Variants in FHIT observed in about 807,000 individuals in gnomAD.
FHIT encodes fragile histidine triad diadenosine triphosphatase, also known as bis(5'-adenosyl)-triphosphatase.
Under a neutral mutation model 17.9 loss-of-function variants are expected in FHIT, and 19 were observed. That is an observed-to-expected ratio of 1.06 (90% CI 0.74 to 1.56). The LOEUF is 1.56. Ranked by LOEUF, FHIT falls within the 40% of genes most tolerant of loss-of-function variation. The pLI, the probability that FHIT is intolerant of heterozygous loss-of-function variation, is 0.00. For synonymous variants in FHIT, 81 were observed against 69.7 expected (o/e 1.16, Z -0.81); for missense variants, 248 against 189.2 (o/e 1.31, Z -1.82).
intron 2 of FHIT, among the ~76,000 whole-genome samples, chr3:61,069,296 T>C (rs1425487207): frequency 6.6e-6 from 1 of 152,170 alleles, no homozygotes; most frequent in African/African-American, 2.4e-5. Flanking sequence ...CTTCACTTTC[T>C]AGGTTGGTGC....
chr3:60,124,261 C>G (rs753980000), intron 5 of FHIT, among the ~76,000 whole-genome samples: 1 of 151,542 alleles, frequency 6.6e-6, no homozygotes, highest in Non-Finnish European at 1.5e-5. Context: ...CCTAGAGACA[C>G]CAGACCAGTT....
Position 59,930,194 on chromosome 3 carries a change from C to T in FHIT, c.280-7780G>A, listed in dbSNP as rs538119715. ...CTGGGGAGACATCAATACTCCAGCA[C>T]TTCTGCCTTCTCCCACCTGGAGAGT... On this transcript the variant is annotated intron_variant, in intron 7 of 9. Coordinates refer to ENST00000492590, the MANE Select transcript of FHIT (RefSeq NM_002012.4). Among the ~76,000 whole-genome samples, 59 of 152,296 alleles carry T rather than the reference C, an allele frequency of 3.9e-4. No homozygotes were observed. In the South Asian group the frequency reaches 7.9e-3, roughly 20 times the overall value.
chr3:60,568,713 T>G (rs978369807), intron 4 of FHIT, among the ~76,000 whole-genome samples: 1 of 152,168 alleles, frequency 6.6e-6, no homozygotes, highest in Non-Finnish European at 1.5e-5. Context: ...CCACTGGAAC[T>G]CAACCTTTAG....
At position 59,986,498 on chromosome 3, in the gene FHIT, AATATAT is replaced by A. The variant is rs74199531; in HGVS notation, c.279+24867_279+24872del. Among the ~76,000 whole-genome samples the A allele has an allele frequency of 2.9e-4, 18 of 62,326 alleles. 1 individual carries two copies. Among genetic ancestry groups the A allele is most frequent in the South Asian group, 2.6e-3 (4 of 1,552 alleles). 40.9% of individuals were successfully genotyped at this position (62,326 alleles called of 152,430 possible). On this transcript the variant is annotated intron_variant, in intron 7 of 9. Transcript: ENST00000492590. ...CTCTGGGTATGAGAAAGTAGTCCAA[AATATAT>A]ATATATATATATATATATATATATA... is the stretch of plus-strand genomic sequence containing the variant.
chr3:59,892,083 T>C (rs1559703966), intron 8 of FHIT, among the ~76,000 whole-genome samples: 1 of 152,256 alleles, frequency 6.6e-6, no homozygotes, highest in Non-Finnish European at 1.5e-5. Context: ...CCATACCTTC[T>C]GAGATCCTTG....
chr3:60,204,458 GT>G (rs367700440), intron 5 of FHIT, among the ~76,000 whole-genome samples: 1,789 of 128,326 alleles, frequency 0.014, 18 homozygotes, highest in Middle Eastern at 0.036. Flanking sequence ...TTTTTTTTTT[GT>G]TTTGTTTTTT....
chr3:61,049,225 G>T (rs530596551), intron 2 of FHIT, among the ~76,000 whole-genome samples: 559 of 150,852 alleles, frequency 3.7e-3, no homozygotes, highest in African/African-American at 8.1e-3. Context: ...ATAACTTCTA[G>T]TTGGTAACCA....
chr3:60,916,679 A>G (rs1707021362), intron 3 of FHIT, among the ~76,000 whole-genome samples: 1 of 152,234 alleles, frequency 6.6e-6, no homozygotes, highest in African/African-American at 2.4e-5. Flanking sequence ...CCACAAGTGC[A>G]TATTTCATGG....
intron 8 of FHIT, among the ~76,000 whole-genome samples, chr3:59,885,963 C>A (rs1703606233): frequency 6.6e-6 from 1 of 152,154 alleles, no homozygotes; most frequent in African/African-American, 2.4e-5. Flanking sequence ...TAATGCCAGG[C>A]AATCCCTTGC....
chr3:61,216,414 G>C (rs905997967), intron 1 of FHIT, among the ~76,000 whole-genome samples: 319 of 152,318 alleles, frequency 2.1e-3, no homozygotes, highest in Non-Finnish European at 2.5e-3. Context: ...CACTGGCCAT[G>C]AGAGAAATGC....
rs1163499766 is a variant in FHIT at position 60,401,071 on chromosome 3, C to T, written c.103+135789G>A. On this transcript the variant is annotated intron_variant, in intron 5 of 9. Coordinates refer to ENST00000492590, the MANE Select transcript of FHIT (RefSeq NM_002012.4). ...TACGGCTGGCCTGCCCCTGGAGACA[C>T]CCAATTCTGCAGCCCCTGGTAGCAC... Among the ~76,000 whole-genome samples, 4 of 152,172 alleles carry T rather than the reference C, an allele frequency of 2.6e-5. No homozygotes were observed. The South Asian group carries it at 6.2e-4, about 24-fold the overall frequency.
At chr3:61,078,002 G>A (rs567883228) in intron 2 of FHIT, among the ~76,000 whole-genome samples, 2 of 152,244 alleles carry the variant, frequency 1.3e-5, no homozygotes, top group South Asian at 4.1e-4. Context: ...AGGTCCAGAT[G>A]TATTTCTTTA....
intron 7 of FHIT, among the ~76,000 whole-genome samples, chr3:60,008,970 G>T (rs996653656): frequency 2.0e-5 from 3 of 152,172 alleles, no homozygotes; most frequent in Non-Finnish European, 4.4e-5. Context: ...CCAAGCCCCA[G>T]TCACAGTATT....
At chr3:60,666,006 T>C (rs1239368268) in intron 4 of FHIT, among the ~76,000 whole-genome samples, 8 of 152,164 alleles carry the variant, frequency 5.3e-5, no homozygotes, top group Non-Finnish European at 1.2e-4. Context: ...GGCTACATTA[T>C]CAACATTTAA....
At chr3:60,051,133 T>C (rs1030269004) in intron 5 of FHIT, among the ~76,000 whole-genome samples, 5 of 152,002 alleles carry the variant, frequency 3.3e-5, no homozygotes, top group African/African-American at 9.7e-5. Flanking sequence ...GGGTACCTAA[T>C]GGGGCCTTTG....
chr3:60,895,648 TC>T (rs1705752740), intron 3 of FHIT, among the ~76,000 whole-genome samples: 5 of 142,354 alleles, frequency 3.5e-5, no homozygotes, highest in Non-Finnish European at 7.5e-5. Flanking sequence ...TTCCTTCCTT[TC>T]CCTCCTTCCT....
At chr3:61,180,316 A>G (rs931960455) in intron 2 of FHIT, among the ~76,000 whole-genome samples, 2 of 152,250 alleles carry the variant, frequency 1.3e-5, no homozygotes, top group African/African-American at 2.4e-5. Flanking sequence ...AACTTTCATA[A>G]TAACAGCTCA....
chr3:60,815,362 T>C (rs1342736513), intron 4 of FHIT, among the ~76,000 whole-genome samples: 2 of 152,192 alleles, frequency 1.3e-5, no homozygotes, highest in African/African-American at 2.4e-5. Context: ...AGGATTCTCA[T>C]ACTTTGAGTT....
chr3:60,571,707 A>C (rs2037391260), intron 4 of FHIT, among the ~76,000 whole-genome samples: 1 of 152,168 alleles, frequency 6.6e-6, no homozygotes, highest in South Asian at 2.1e-4. Flanking sequence ...TTATCATTAC[A>C]ATAGAGCTAC....
Sources: allele counts gnomAD v4.1 joint callset (sites outside exome capture counted in the v4.1 genomes callset), GRCh38; gene constraint gnomAD v4.1.1; transcripts MANE v1.5; gene names NCBI Gene and HGNC (gene_info 2026-07-23, HGNC 2026-07-21).